SAMTOR: variants seen among roughly 807,000 people sequenced by gnomAD.
The protein encoded by SAMTOR is S-adenosylmethionine sensor upstream of mTORC1.
the SAMTOR span, chr7:112,821,867 A>G: frequency 6.2e-7 from 1 of 1,613,638 alleles, no homozygotes; most frequent in Non-Finnish European, 8.5e-7. Context: ...CTAGTTGTTC[A>G]TCTTCTATAT....
At chr7:112,897,185 G>C in the SAMTOR span, among the ~76,000 whole-genome samples, 1 of 152,140 alleles carries the variant, frequency 6.6e-6, no homozygotes, top group Non-Finnish European at 1.5e-5. Flanking sequence ...CGAGTGCAAA[G>C]GGGTACAAGG....
At chr7:112,846,654 TTC>T in the SAMTOR span, among the ~76,000 whole-genome samples, 1 of 152,182 alleles carries the variant, frequency 6.6e-6, no homozygotes, top group African/African-American at 2.4e-5. Flanking sequence ...TGGAGCAACT[TTC>T]TAGGGAACCT....
At chr7:112,919,744 C>G in the SAMTOR span, among the ~76,000 whole-genome samples, 1 of 151,184 alleles carries the variant, frequency 6.6e-6, no homozygotes, top group African/African-American at 2.4e-5. Context: ...CAAATAGACG[C>G]AATAAAAAAT....
the SAMTOR span, among the ~76,000 whole-genome samples, chr7:112,872,308 A>C: frequency 6.6e-6 from 1 of 152,244 alleles, no homozygotes; most frequent in Admixed American, 6.5e-5. Context: ...CCTAGGTTGC[A>C]AGATTGATTC....
the SAMTOR span, among the ~76,000 whole-genome samples, chr7:112,863,273 C>T: frequency 5.9e-5 from 9 of 152,016 alleles, no homozygotes; most frequent in Non-Finnish European, 1.3e-4. Context: ...AAGCCATACA[C>T]AAAAATAAAA....
chr7:112,882,125 C>T, the SAMTOR span, among the ~76,000 whole-genome samples: 1 of 152,226 alleles, frequency 6.6e-6, no homozygotes, highest in Non-Finnish European at 1.5e-5. Context: ...GCAGGCTTGT[C>T]TGGAGCTGCA....
the SAMTOR span, among the ~76,000 whole-genome samples, chr7:112,877,635 G>T: frequency 2.6e-5 from 4 of 152,118 alleles, no homozygotes; most frequent in African/African-American, 9.7e-5. Context: ...GGCTGGTATA[G>T]TTTGGATATT....
At chr7:112,913,414 CAACTGTTT>C in the SAMTOR span, among the ~76,000 whole-genome samples, 1 of 152,292 alleles carries the variant, frequency 6.6e-6, no homozygotes, top group South Asian at 2.1e-4. Context: ...TCTCATTCAC[CAACTGTTT>C]AACTATAATT....
chr7:112,823,038 A>G, the SAMTOR span, among the ~76,000 whole-genome samples: 1 of 152,178 alleles, frequency 6.6e-6, no homozygotes, highest in African/African-American at 2.4e-5. Context: ...ATGGAAATGA[A>G]TCAGAATAAG....
the SAMTOR span, among the ~76,000 whole-genome samples, chr7:112,849,214 C>T: frequency 3.9e-5 from 6 of 151,960 alleles, no homozygotes; most frequent in Admixed American, 1.3e-4. Flanking sequence ...ATTCTGCTAC[C>T]ACAAATAAAC....
the SAMTOR span, among the ~76,000 whole-genome samples, chr7:112,829,325 C>A: frequency 6.6e-6 from 1 of 152,018 alleles, no homozygotes; most frequent in Non-Finnish European, 1.5e-5. Context: ...TTTAAAATAT[C>A]TTCCTATTTC....
chr7:112,869,052 A>G, the SAMTOR span, among the ~76,000 whole-genome samples: 1 of 152,162 alleles, frequency 6.6e-6, no homozygotes, highest in East Asian at 1.9e-4. Flanking sequence ...GCCCCAACAG[A>G]AGGAGGAACG....
chr7:112,939,568 C>T, the SAMTOR span: 4 of 1,613,784 alleles, frequency 2.5e-6, no homozygotes, highest in South Asian at 2.2e-5. Flanking sequence ...TCCCCTTCCT[C>T]CCTCACTCAG....
the SAMTOR span, among the ~76,000 whole-genome samples, chr7:112,877,697 G>A: frequency 1.3e-5 from 2 of 152,172 alleles, no homozygotes; most frequent in South Asian, 2.1e-4. Context: ...CTGGAGGTGG[G>A]GCCTGGTAGG....
At chr7:112,856,157 C>G in the SAMTOR span, among the ~76,000 whole-genome samples, 4 of 151,374 alleles carry the variant, frequency 2.6e-5, no homozygotes, top group African/African-American at 7.3e-5. Flanking sequence ...TGGACTGTTA[C>G]AAAATGAAGA....
chr7:112,932,229 A>C, the SAMTOR span, among the ~76,000 whole-genome samples: 1 of 152,072 alleles, frequency 6.6e-6, no homozygotes, highest in African/African-American at 2.4e-5. Context: ...CCAGCTCACT[A>C]TTACCATTTT....
chr7:112,850,870 T>G, the SAMTOR span, among the ~76,000 whole-genome samples: 1 of 152,198 alleles, frequency 6.6e-6, no homozygotes, highest in Non-Finnish European at 1.5e-5. Context: ...GTTTAATAAG[T>G]GACTTCAGTA....
At chr7:112,883,621 T>G in the SAMTOR span, among the ~76,000 whole-genome samples, 1 of 152,220 alleles carries the variant, frequency 6.6e-6, no homozygotes, top group Non-Finnish European at 1.5e-5. Context: ...TAATGCTTCT[T>G]AGAGCACTGT....
At chr7:112,863,016 C>T in the SAMTOR span, among the ~76,000 whole-genome samples, 6 of 152,064 alleles carry the variant, frequency 3.9e-5, no homozygotes, top group Non-Finnish European at 2.9e-5. Context: ...CATCACACTA[C>T]TTGACTTCAA....
Sources: allele counts gnomAD v4.1 joint callset (sites outside exome capture counted in the v4.1 genomes callset), GRCh38; gene constraint gnomAD v4.1.1; transcripts MANE v1.5; gene names NCBI Gene and HGNC (gene_info 2026-07-23, HGNC 2026-07-21).